The following CHD8 variants were observed in gnomAD, a reference collection of about 807,000 sequenced individuals.
The protein encoded by CHD8 is chromodomain helicase DNA binding protein 8.
Under a neutral mutation model 279.2 loss-of-function variants are expected in CHD8, and 31 were observed. The observed-to-expected ratio is 0.11, with a 90% CI of 0.08 to 0.15. The LOEUF is 0.15. Among genes scored for constraint, CHD8 ranks in the 10% least tolerant of loss-of-function variants. The pLI is 1.00. For synonymous variants in CHD8, 1,081 were observed against 1,139.6 expected (o/e 0.95, Z 1.04); for missense variants, 2,146 against 3,230.5 (o/e 0.66, Z 8.14).
chr14:21,428,175 G>A lies in CHD8; in HGVS notation c.1295C>T (p.Ser432Leu), dbSNP rs1357283487. The A allele has an allele frequency of 6.2e-7, 1 of 1,614,000 alleles. No individual in the cohort carries two copies. Among genetic ancestry groups the A allele is most frequent in the Non-Finnish European group, 8.5e-7 (1 of 1,179,894 alleles). Reference sequence around the variant, plus strand: ...CGAATGAGGAGCAGAGCTTGCTGGTGATGACAAAGCTGCCACTTCACTGGC... The same window carrying A: ...CGAATGAGGAGCAGAGCTTGCTGGTAATGACAAAGCTGCCACTTCACTGGC... ...LSASEVAALSSPASSAPHSGG... is the reference protein window; with the variant it reads ...LSASEVAALSLPASSAPHSGG... Residue 432 changes from serine (S) to leucine (L), a missense_variant, in exon 4 of 38, where the codon TCA becomes TTA. Ser to Leu is a moderately radical substitution (Grantham distance 145). Coordinates refer to ENST00000646647, the MANE Select transcript of CHD8 (RefSeq NM_001170629.2).
intron 1 of CHD8, among the ~76,000 whole-genome samples, chr14:21,444,429 T>C (rs987608271): frequency 1.3e-5 from 2 of 152,170 alleles, no homozygotes; most frequent in Non-Finnish European, 2.9e-5. Flanking sequence ...TTATATTAAA[T>C]CTAATTTAAG....
intron 7 of CHD8, chr14:21,415,256 T>C (rs1027081863): frequency 1.1e-5 from 5 of 461,112 alleles, no homozygotes; most frequent in Non-Finnish European, 1.9e-5. Flanking sequence ...CCATCATCTC[T>C]CACAACTACA....
chr14:21,399,424 ACAT>A, intron 26 of CHD8, 175 bp downstream of exon 26: 1 of 570,104 alleles, frequency 1.8e-6, no homozygotes, highest in Non-Finnish European at 3.2e-6. Context: ...CCCTTCTTGA[ACAT>A]CTATTTATAG....
At position 21,415,661 on chromosome 14, in the gene CHD8, T is replaced by C. The variant is rs374065333; in HGVS notation, c.1900-19A>G. 2.6e-5 allele frequency: 42 copies of C among 1,611,060 alleles called. No individual in the cohort carries two copies. The African/African-American group carries it at 4.0e-4, about 15-fold the overall frequency. On this transcript the variant is annotated intron_variant, in intron 6 of 37. Coordinates refer to ENST00000646647, the MANE Select transcript of CHD8 (RefSeq NM_001170629.2). ...GATTCTCCTGCAGCAAAAGATGCAG[T>C]CAGTCAACAGATGATTGTGACCAGC...
At chr14:21,406,498 G>A (rs901169818) in intron 14 of CHD8, among the ~76,000 whole-genome samples, 2 of 152,196 alleles carry the variant, frequency 1.3e-5, no homozygotes, top group African/African-American at 4.8e-5. Flanking sequence ...CAGCAATACT[G>A]ACTCCAGGCA....
At chr14:21,386,435 T>A in intron 37 of CHD8, 1 of 533,660 alleles carries the variant, frequency 1.9e-6, no homozygotes, top group Non-Finnish European at 3.3e-6. Flanking sequence ...TTTTGCTTCT[T>A]TTCCCCATGA....
chr14:21,399,186 A>G, intron 26 of CHD8: 1 of 287,546 alleles, frequency 3.5e-6, no homozygotes, highest in Non-Finnish European at 7.0e-6. Flanking sequence ...ACTCACCCAG[A>G]AATACAACTG....
In CHD8 at chr14:21,385,680, T is replaced by G; in HGVS notation, c.7679A>C (p.Asp2560Ala). ...LSQGYDSSER[D>A]FSLIDDPMMP... ...CATAGGATCATCAATGAGTGAGAAG[T>G]CCCTTTCTGAGCTATCATAGCCCTG... Residue 2560 changes from aspartate (D) to alanine (A), a missense_variant, in exon 38 of 38, where the codon GAC becomes GCC. Transcript: ENST00000646647. The G allele has an allele frequency of 6.4e-7, 1 of 1,551,956 alleles. No homozygotes were observed. The highest frequency in any genetic ancestry group is 8.7e-7 in the Non-Finnish European group (1 of 1,147,058).
chr14:21,391,163 C>T (rs1887520700), intron 36 of CHD8, 100 bp from the exon 37 acceptor site: 1 of 834,808 alleles, frequency 1.2e-6, no homozygotes, highest in East Asian at 2.6e-5. Flanking sequence ...ACACTTATTA[C>T]ATAGATAAAG....
In CHD8 at chr14:21,430,920, T is replaced by C; in HGVS notation, c.724A>G (p.Ser242Gly). 1 of 1,599,500 alleles carries C rather than the reference T, an allele frequency of 6.3e-7. No individual in the cohort carries two copies. Among genetic ancestry groups the C allele is most frequent in the South Asian group, 1.1e-5 (1 of 91,066 alleles). Residue 242 changes from serine (S) to glycine (G), a missense_variant, in exon 2 of 38, where the codon AGC (serine) becomes GGC (glycine). Around this residue, in one of 26 missense-constraint regions of CHD8, gnomAD observed 302 missense variants for 325.5 expected, o/e 0.93. Coordinates refer to ENST00000646647, the MANE Select transcript of CHD8 (RefSeq NM_001170629.2). ...AGGACCAGCTGCTTTACTGGTCGGC[T>C]GGGCTGGACAATGCGCTGAACAGCA... ...QAAVQRIVQP[S>G]RPVKQLVLQP...
At chr14:21,451,665 T>C (rs979790464) in intron 1 of CHD8, among the ~76,000 whole-genome samples, 5 of 146,738 alleles carry the variant, frequency 3.4e-5, no homozygotes, top group Non-Finnish European at 7.5e-5. Context: ...TCCTGTACCA[T>C]ACAATTAATG....
rs185649994 is a variant in CHD8, at chr14:21,408,258, G to A, written c.2730+54C>T. 6.7e-4 allele frequency: 1,055 copies of A among 1,583,210 alleles called. 5 individuals carry two copies. In the African/African-American group the frequency reaches 0.012, roughly 18 times the overall value. On this transcript the variant is annotated intron_variant, in intron 13 of 37. Transcript: ENST00000646647. The surrounding 1 kb of genome is among the most constrained non-coding windows in gnomAD (Gnocchi z 4.3). ...TTCATATATAGCCCTTAAAATACCAGGTACCTTGGCCGACTTTCTCTAACT... is the reference window on the plus strand; with the variant it reads ...TTCATATATAGCCCTTAAAATACCAAGTACCTTGGCCGACTTTCTCTAACT...
chr14:21,454,162 A>AAAAAAG (rs1555321148), intron 1 of CHD8, among the ~76,000 whole-genome samples: 3 of 127,016 alleles, frequency 2.4e-5, no homozygotes, highest in Non-Finnish European at 3.3e-5. Flanking sequence ...CGTCTCAAAA[A>AAAAAAG]AAAAGAAAAG....
Position 21,399,677 on chromosome 14 carries a change from C to G in CHD8, c.4846G>C (p.Asp1616His), listed in dbSNP as rs1055883888. ...CAAGTTGTTGGAACCTCCAGTTGAT[C>G]CACTACTGGGAACCATATGTCAATC... ...SEIDIWFPVVDQLEVPTTWWD... is the reference protein window; with the variant it reads ...SEIDIWFPVVHQLEVPTTWWD... Residue 1616 changes from aspartate to histidine, a missense_variant, in exon 26 of 38, where the codon GAT becomes CAT. Coordinates refer to ENST00000646647, the MANE Select transcript of CHD8 (RefSeq NM_001170629.2). The G allele has an allele frequency of 3.1e-6, 5 of 1,612,514 alleles. No homozygotes were observed. In the African/African-American group the frequency reaches 6.7e-5, roughly 22 times the overall value.
intron 5 of CHD8, among the ~76,000 whole-genome samples, chr14:21,422,570 C>T (rs970781272): frequency 2.3e-4 from 35 of 152,042 alleles, no homozygotes; most frequent in African/African-American, 8.0e-4. Context: ...GTTGTTTTAA[C>T]AAATCACGTT....
At chr14:21,436,440 T>C (rs1306155122) in intron 1 of CHD8, among the ~76,000 whole-genome samples, 1 of 152,246 alleles carries the variant, frequency 6.6e-6, no homozygotes, top group Non-Finnish European at 1.5e-5. Flanking sequence ...TCTCAAATCT[T>C]ATACAGAAAT....
chr14:21,417,245 T>C (rs1888764729), intron 5 of CHD8, among the ~76,000 whole-genome samples: 2 of 152,310 alleles, frequency 1.3e-5, no homozygotes, highest in African/African-American at 4.8e-5. Flanking sequence ...GGCAACACCC[T>C]TTGAACCTAT....
intron 14 of CHD8, among the ~76,000 whole-genome samples, 182 bp downstream of exon 14, chr14:21,406,674 T>A (rs959935627): frequency 1.3e-5 from 2 of 152,224 alleles, no homozygotes; most frequent in Non-Finnish European, 2.9e-5. Context: ...ATCACTAAAC[T>A]TCCCAATTCT....
intron 37 of CHD8, among the ~76,000 whole-genome samples, chr14:21,389,006 A>T (rs1887405131): frequency 6.6e-6 from 1 of 152,210 alleles, no homozygotes; most frequent in Non-Finnish European, 1.5e-5. Context: ...GTATGCTTTA[A>T]AAATACAACT....
Sources: allele counts gnomAD v4.1 joint callset (sites outside exome capture counted in the v4.1 genomes callset), GRCh38; gene constraint gnomAD v4.1.1; regional missense constraint gnomAD v4.1.1; non-coding constraint Gnocchi (gnomAD v3.1); transcripts MANE v1.5; gene names NCBI Gene and HGNC (gene_info 2026-07-23, HGNC 2026-07-21).